LRTM2: variants seen among roughly 807,000 people sequenced by gnomAD.
The protein encoded by LRTM2 is leucine-rich repeat and transmembrane domain-containing protein 2.
In LRTM2, 18 loss-of-function variants were observed where a neutral mutation model predicts 28.1. That is an observed-to-expected ratio of 0.64 (90% CI 0.44 to 0.95). The LOEUF (loss-of-function observed/expected upper bound fraction) is 0.95. Among genes scored for constraint, LRTM2 ranks in the 40% least tolerant of loss-of-function variants. The pLI is 0.00. For synonymous variants in LRTM2, 250 were observed against 218.7 expected (o/e 1.14, Z -1.26); for missense variants, 436 against 497.2 (o/e 0.88, Z 1.17).
rs770137250 is a variant in LRTM2 at position 1,831,352 on chromosome 12, G to A, written c.485G>A (p.Gly162Glu). The A allele has an allele frequency of 1.2e-6, 2 of 1,613,874 alleles. No homozygotes were observed. Among genetic ancestry groups the A allele is most frequent in the Non-Finnish European group, 1.7e-6 (2 of 1,180,028 alleles). Reference sequence around the variant, plus strand: ...CAGTTGCCCCCTGGTCTTTTCGACGGGCTCCTGGCTCTGCGCTCCCTCTCG... The same window carrying A: ...CAGTTGCCCCCTGGTCTTTTCGACGAGCTCCTGGCTCTGCGCTCCCTCTCG... The part of the protein sequence containing the change: ...LAQLPPGLFD[G>E]LLALRSLSLR... The change falls in exon 4 of 5, where the codon GGG (glycine) becomes GAG (glutamate). Residue 162 changes from glycine to glutamate, a missense_variant. By Grantham distance (98) the Gly-to-Glu change is moderately conservative. Transcript: ENST00000299194.
intron 1 of LRTM2, among the ~76,000 whole-genome samples, chr12:1,824,149 T>G (rs968489444): frequency 3.9e-5 from 6 of 152,194 alleles, no homozygotes; most frequent in Non-Finnish European, 7.3e-5. Flanking sequence ...AGCTTCTCAG[T>G]GGGTCCTGGA....
Position 1,834,548 on chromosome 12 carries a change from G to T in LRTM2, c.940G>T (p.Ala314Ser). 1 of 1,603,952 alleles carries T rather than the reference G, an allele frequency of 6.2e-7. No individual in the cohort carries two copies. Among genetic ancestry groups the T allele is most frequent in the Non-Finnish European group, 8.5e-7 (1 of 1,179,924 alleles). Residue 314 changes from alanine (A) to serine (S), a missense_variant, in exon 5 of 5, where the codon GCA (alanine) becomes TCA (serine). Physicochemically the swap from Ala to Ser is moderately conservative, Grantham distance 99. Coordinates refer to ENST00000299194, the MANE Select transcript of LRTM2 (RefSeq NM_001039029.3). The surrounding 1 kb of genome is among the most constrained non-coding windows in gnomAD (Gnocchi z 7.6). ...VRRAMGTVII[A>S]GVVCGVVCIM... ...GCGAGCCATGGGCACGGTGATCATT[G>T]CAGGGGTCGTGTGCGGCGTCGTCTG...
intron 4 of LRTM2, 99 bp downstream of exon 4, chr12:1,831,624 GC>G: frequency 9.3e-7 from 1 of 1,079,008 alleles, no homozygotes; most frequent in Non-Finnish European, 1.3e-6. Context: ...CAGAGAGCAG[GC>G]CAGGGGAAAG....
chr12:1,825,736 G>A (rs1248843201), intron 1 of LRTM2, among the ~76,000 whole-genome samples: 4 of 152,220 alleles, frequency 2.6e-5, no homozygotes, highest in Non-Finnish European at 5.9e-5. Context: ...TGTGTGCCCT[G>A]CTCTGTGCAC....
At position 1,836,087 on chromosome 12, in the gene LRTM2, T is replaced by C. The variant is rs1864847580; in HGVS notation, c.*1366T>C. 6.6e-6 allele frequency: 1 copy of C among 152,270 alleles called. No homozygotes were observed. The highest frequency in any genetic ancestry group is 2.1e-4 in the South Asian group (1 of 4,836). 9.4% of individuals were successfully genotyped at this position (152,270 alleles called of 1,614,324 possible). ...CCAGAGGCTCCCAGGATGGGGCCTC[T>C]GTTCCCGGGCTTTGTCTGCTCAGTG... On this transcript the variant is annotated 3_prime_UTR_variant, in exon 5 of 5. Coordinates refer to ENST00000299194, the MANE Select transcript of LRTM2 (RefSeq NM_001039029.3).
Position 1,835,528 on chromosome 12 carries a change from G to A in LRTM2, c.*807G>A, listed in dbSNP as rs1445899554. The A allele has an allele frequency of 6.6e-6, 1 of 152,574 alleles. No homozygotes were observed. Among genetic ancestry groups the A allele is most frequent in the South Asian group, 2.1e-4 (1 of 4,836 alleles). The allele number at this position is 152,574 out of a possible 1,614,324, so 9.5% of individuals were successfully genotyped here. A position where few individuals can be genotyped will look rare whatever the true frequency, so the allele number is the denominator to read the frequency against. On this transcript the variant is annotated 3_prime_UTR_variant, in exon 5 of 5. Transcript: ENST00000299194. ...CCCCAGGGGTCTCCCTGAGACCACA[G>A]AGCCTCTCGCGTGCTCACTGCAATC... is the stretch of plus-strand genomic sequence containing the variant.
chr12:1,831,082 C>T lies in LRTM2; in HGVS notation c.215C>T (p.Thr72Ile). The T allele has an allele frequency of 1.2e-6, 2 of 1,614,058 alleles. No homozygotes were observed. The highest frequency in any genetic ancestry group is 1.7e-6 in the Non-Finnish European group (2 of 1,180,024). The change falls in exon 4 of 5, where the codon ACC becomes ATC. Residue 72 changes from threonine to isoleucine, a missense_variant. Physicochemically the swap from Thr to Ile is moderately conservative, Grantham distance 89 (BLOSUM62 -1). Coordinates refer to ENST00000299194, the MANE Select transcript of LRTM2 (RefSeq NM_001039029.3). The part of the protein sequence containing the change: ...VPPDVPAATR[T>I]LLLLNNKLSA... Reference sequence around the variant, plus strand: ...CCAGACGTGCCCGCAGCCACCCGAACCCTCTTGCTCTTGAACAATAAGCTG... The same window carrying T: ...CCAGACGTGCCCGCAGCCACCCGAATCCTCTTGCTCTTGAACAATAAGCTG...
chr12:1,826,127 A>G (rs1592681559), intron 1 of LRTM2, among the ~76,000 whole-genome samples: 1 of 152,002 alleles, frequency 6.6e-6, no homozygotes, highest in South Asian at 2.1e-4. Context: ...GTCACAATAG[A>G]CCTGCTGCTG....
Position 1,832,477 on chromosome 12 carries a change from C to T in LRTM2, c.658+952C>T, listed in dbSNP as rs76587253. ...AGTGGACTTGAAACACCATTTGGCA[C>T]GAAGAAGATGCTCAATGAATGTTTG... On this transcript the variant is annotated intron_variant, in intron 4 of 4. Transcript: ENST00000299194. 4.5e-4 allele frequency among the ~76,000 whole-genome samples: 68 copies of T among 152,274 alleles called. No individual in the cohort carries two copies. In the East Asian group the frequency reaches 8.3e-3, roughly 19 times the overall value.
chr12:1,828,635 T>C lies in LRTM2; in HGVS notation c.67+420T>C, dbSNP rs886943. ...TTGCTCCCGTGGGGAACTGCCCCCT[T>C]GGCTGGCCTCGGCCAGGAGCTGGGT... On this transcript the variant is annotated intron_variant, in intron 3 of 4. Coordinates refer to ENST00000299194, the MANE Select transcript of LRTM2 (RefSeq NM_001039029.3). This position sits in a 1 kb window ranked among gnomAD's most constrained non-coding sequence, Gnocchi z 4.2. 0.76 allele frequency among the ~76,000 whole-genome samples: 114,992 copies of C among 152,226 alleles called. 43,575 individuals are homozygous for C. Among genetic ancestry groups the C allele is most frequent in the East Asian group, 0.85 (4,376 of 5,162 alleles).
chr12:1,825,204 T>A (rs1169774636), intron 1 of LRTM2, among the ~76,000 whole-genome samples: 1 of 152,134 alleles, frequency 6.6e-6, no homozygotes, highest in African/African-American at 2.4e-5. Context: ...GCTGGTTAAC[T>A]CCTGGGCTCA....
intron 1 of LRTM2, among the ~76,000 whole-genome samples, chr12:1,823,653 C>G (rs1221048742): frequency 1.3e-5 from 2 of 152,040 alleles, no homozygotes; most frequent in African/African-American, 4.8e-5. Flanking sequence ...TCTAGAAAGC[C>G]CCCCACCTTC....
At chr12:1,830,141 G>A (rs1274866034) in intron 3 of LRTM2, among the ~76,000 whole-genome samples, 1 of 152,260 alleles carries the variant, frequency 6.6e-6, no homozygotes, top group African/African-American at 2.4e-5. Flanking sequence ...AGAAGCCCAG[G>A]CTGAGAGCCT....
chr12:1,831,005 C>T lies in LRTM2; in HGVS notation c.138C>T (p.Asp46=), dbSNP rs1345894684. ...CCTGCCCTTTCTCCTGCAAGTGTGA[C>T]AGCCGCAGCCTGGAGGTGGACTGCA... ...LPTCPFSCKC[D]SRSLEVDCSG... is the part of the protein sequence containing the mutation. Residue 46 remains aspartate, a synonymous_variant, in exon 4 of 5, where the codon GAC becomes GAT. Transcript: ENST00000299194. 5.6e-6 allele frequency: 9 copies of T among 1,613,978 alleles called. No homozygotes were observed. Among genetic ancestry groups the T allele is most frequent in the Non-Finnish European group, 6.8e-6 (8 of 1,179,998 alleles).
rs1420102271 is a variant in LRTM2, at chr12:1,836,332, C to T, written c.*1611C>T. The T allele has an allele frequency of 1.3e-5, 2 of 152,462 alleles. No homozygotes were observed. The highest frequency in any genetic ancestry group is 2.4e-5 in the African/African-American group (1 of 41,458). 9.4% of individuals were successfully genotyped at this position (152,462 alleles called of 1,614,324 possible). Reference sequence around the variant, plus strand: ...CGTCCCTGGCTCTGGGATGGAATCTCGATGGGGGCTCAGGAAGAGGCCAGC... The same window carrying T: ...CGTCCCTGGCTCTGGGATGGAATCTTGATGGGGGCTCAGGAAGAGGCCAGC... On this transcript the variant is annotated 3_prime_UTR_variant, in exon 5 of 5. Transcript: ENST00000299194.
chr12:1,829,605 C>T lies in LRTM2; in HGVS notation c.68-1330C>T, dbSNP rs1471617155. The stretch of plus-strand genomic sequence containing the variant: ...GGAAGGGGAGAGTCTCATCCTGTTC[C>T]TTCAAGCTCCACCCTTTGGGACAGC... On this transcript the variant is annotated intron_variant, in intron 3 of 4. Transcript: ENST00000299194. The surrounding 1 kb of genome is among the most constrained non-coding windows in gnomAD (Gnocchi z 4.2). 1.3e-5 allele frequency among the ~76,000 whole-genome samples: 2 copies of T among 152,044 alleles called. No individual in the cohort carries two copies. Among genetic ancestry groups the T allele is most frequent in the East Asian group, 3.9e-4 (2 of 5,114 alleles).
chr12:1,833,662 C>T lies in LRTM2; in HGVS notation c.659-605C>T, dbSNP rs1864728116. 6.6e-6 allele frequency among the ~76,000 whole-genome samples: 1 copy of T among 152,218 alleles called. No individual in the cohort carries two copies. The highest frequency in any genetic ancestry group is 2.4e-5 in the African/African-American group (1 of 41,450). ...GGAGAAGGAGAACATTCCTGCCCAA[C>T]TCTTTTCCTCTTTACGCCAGGAAGG... On this transcript the variant is annotated intron_variant, in intron 4 of 4. Coordinates refer to ENST00000299194, the MANE Select transcript of LRTM2 (RefSeq NM_001039029.3). The surrounding 1 kb of genome is among the most constrained non-coding windows in gnomAD (Gnocchi z 4.2).
rs550317710 is a variant in LRTM2, at chr12:1,828,271, G to A, written c.67+56G>A. 199 of 1,450,710 alleles carry A rather than the reference G, an allele frequency of 1.4e-4. No individual in the cohort carries two copies. The highest frequency in any genetic ancestry group is 5.3e-4 in the Middle Eastern group (3 of 5,616). 89.9% of individuals were successfully genotyped at this position (1,450,710 alleles called of 1,614,324 possible). ...GCGGGTTGGGTGGGGGTGCCGAGGT[G>A]ACTGTAGGTAGCGCCATATGGGACC... is the stretch of plus-strand genomic sequence containing the variant. On this transcript the variant is annotated intron_variant, in intron 3 of 4. Coordinates refer to ENST00000299194, the MANE Select transcript of LRTM2 (RefSeq NM_001039029.3). This position sits in a 1 kb window ranked among gnomAD's most constrained non-coding sequence, Gnocchi z 4.2.
intron 1 of LRTM2, among the ~76,000 whole-genome samples, chr12:1,825,707 C>A (rs1864285921): frequency 6.6e-6 from 1 of 152,190 alleles, no homozygotes; most frequent in Admixed American, 6.5e-5. Flanking sequence ...GCTCCAAGCA[C>A]AGGTCTGGGA....
Sources: allele counts gnomAD v4.1 joint callset (sites outside exome capture counted in the v4.1 genomes callset), GRCh38; gene constraint gnomAD v4.1.1; non-coding constraint Gnocchi (gnomAD v3.1); transcripts MANE v1.5; gene names NCBI Gene and HGNC (gene_info 2026-07-23, HGNC 2026-07-21).